The following ZNF423 variants were observed in gnomAD, a reference collection of about 807,000 sequenced individuals.
ZNF423 encodes Ebf-associated zinc finger protein.
A neutral mutation model predicts 95.8 loss-of-function variants in ZNF423; 12 were observed. That is an observed-to-expected ratio of 0.13 (90% CI 0.08 to 0.20). The LOEUF is 0.20. Among genes scored for constraint, ZNF423 ranks in the 10% least tolerant of loss-of-function variants. The pLI is 1.00. For missense variants in ZNF423, 1,316 were observed against 1,737.1 expected, an observed-to-expected ratio of 0.76 and a Z score of 4.31; for synonymous variants, 749 against 711.9, an observed-to-expected ratio of 1.05 and a Z score of -0.83.
chr16:49,597,289 T>C (rs1273674561), intron 5 of ZNF423, among the ~76,000 whole-genome samples: 1 of 152,116 alleles, frequency 6.6e-6, no homozygotes, highest in Non-Finnish European at 1.5e-5. Context: ...AGCTATCCTA[T>C]CTACTCCAGT....
intron 5 of ZNF423, among the ~76,000 whole-genome samples, chr16:49,611,870 C>T (rs1346435065): frequency 6.6e-6 from 1 of 151,970 alleles, no homozygotes; most frequent in Non-Finnish European, 1.5e-5. Context: ...ACTCTACATA[C>T]ATAAATTTGA....
chr16:49,522,274 C>T (rs897667537), intron 7 of ZNF423, among the ~76,000 whole-genome samples: 6 of 152,230 alleles, frequency 3.9e-5, no homozygotes, highest in South Asian at 2.1e-4. Context: ...TGGGCATGCC[C>T]GCGGGACTTA....
At chr16:49,808,060 CTT>C (rs58617394) in intron 1 of ZNF423, among the ~76,000 whole-genome samples, 4 of 148,478 alleles carry the variant, frequency 2.7e-5, no homozygotes, top group East Asian at 2.0e-4. Context: ...ATTTTTCTTT[CTT>C]TTTTTTTTTC....
intron 5 of ZNF423, among the ~76,000 whole-genome samples, chr16:49,598,831 A>G (rs2151827740): frequency 6.6e-6 from 1 of 152,356 alleles, no homozygotes; most frequent in Non-Finnish European, 1.5e-5. Context: ...GTTTATAACT[A>G]CTGCAGCACT....
At chr16:49,540,441 ATT>A (rs5816647) in intron 5 of ZNF423, among the ~76,000 whole-genome samples, 8 of 144,982 alleles carry the variant, frequency 5.5e-5, no homozygotes, top group Admixed American at 4.1e-4. Flanking sequence ...TGCCCCACTC[ATT>A]TTTTTTTTTC....
chr16:49,658,847 T>C (rs1487657804), intron 3 of ZNF423, among the ~76,000 whole-genome samples: 4 of 151,984 alleles, frequency 2.6e-5, no homozygotes, highest in Non-Finnish European at 5.9e-5. Context: ...ACTCTTTCCT[T>C]GGAACCCCCG....
At chr16:49,602,620 C>T (rs1971409387) in intron 5 of ZNF423, among the ~76,000 whole-genome samples, 1 of 152,200 alleles carries the variant, frequency 6.6e-6, no homozygotes, top group African/African-American at 2.4e-5. Context: ...AGTGCCTGGG[C>T]TCCAGCCGCA....
At chr16:49,823,108 T>C (rs2034965295) in intron 1 of ZNF423, among the ~76,000 whole-genome samples, 1 of 152,158 alleles carries the variant, frequency 6.6e-6, no homozygotes, top group South Asian at 2.1e-4. Flanking sequence ...GACCTTGAAC[T>C]TAAGAAGCTC....
intron 7 of ZNF423, 144 bp from the exon 8 acceptor site, chr16:49,491,448 C>T: frequency 9.9e-7 from 1 of 1,009,288 alleles, no homozygotes; most frequent in Non-Finnish European, 1.5e-6. Flanking sequence ...AAAAGTGCTC[C>T]AGGGACGCAG....
chr16:49,813,948 C>G (rs1291325149), intron 1 of ZNF423, among the ~76,000 whole-genome samples: 1 of 152,218 alleles, frequency 6.6e-6, no homozygotes, highest in Non-Finnish European at 1.5e-5. Context: ...CCCAGGTGGG[C>G]TCCTGCAGAA....
chr16:49,546,720 T>C (rs1969457195), intron 5 of ZNF423, among the ~76,000 whole-genome samples: 1 of 152,136 alleles, frequency 6.6e-6, no homozygotes, highest in Non-Finnish European at 1.5e-5. Flanking sequence ...CTTAATGCTT[T>C]TCGAATATTC....
chr16:49,853,134 A>G (rs2035319972), intron 1 of ZNF423, among the ~76,000 whole-genome samples: 1 of 152,208 alleles, frequency 6.6e-6, no homozygotes, highest in Non-Finnish European at 1.5e-5. Context: ...GACACACAGC[A>G]GTGGAGGCAA....
chr16:49,818,543 G>C lies in ZNF423; in HGVS notation c.41-28997C>G, dbSNP rs565502932. Among the ~76,000 whole-genome samples, 4 of 151,646 alleles carry C rather than the reference G, an allele frequency of 2.6e-5. No individual in the cohort carries two copies. In the South Asian group the frequency reaches 8.4e-4, roughly 32 times the overall value. On this transcript the variant is annotated intron_variant, in intron 1 of 7. Coordinates refer to ENST00000563137, the MANE Select transcript of ZNF423 (RefSeq NM_001379286.1). ...TGCGCTGTGACTGCACCTGTGTATA[G>C]ACACTGCACTCCAGCCTGGGCAACA...
chr16:49,822,604 T>C, intron 1 of ZNF423: 1 of 1,351,384 alleles, frequency 7.4e-7, no homozygotes. Context: ...TAAGCTCTAG[T>C]TCGAGCTCCT....
chr16:49,552,766 G>A (rs1969689544), intron 5 of ZNF423, among the ~76,000 whole-genome samples: 1 of 152,064 alleles, frequency 6.6e-6, no homozygotes, highest in Non-Finnish European at 1.5e-5. Flanking sequence ...ACAGGGTCCT[G>A]CCTGGGTGAT....
intron 3 of ZNF423, among the ~76,000 whole-genome samples, chr16:49,688,787 G>A (rs918745395): frequency 6.6e-6 from 1 of 152,236 alleles, no homozygotes; most frequent in Non-Finnish European, 1.5e-5. Flanking sequence ...CAGTGTGGTG[G>A]GTGGGGAGCA....
intron 3 of ZNF423, among the ~76,000 whole-genome samples, chr16:49,683,984 T>A (rs141966059): frequency 0.012 from 1,794 of 152,238 alleles, 29 homozygotes; most frequent in African/African-American, 0.041. Flanking sequence ...GGCAGGAGGA[T>A]TGCTTGAGCC....
intron 1 of ZNF423, among the ~76,000 whole-genome samples, chr16:49,809,590 AG>A (rs1222702078): frequency 6.6e-6 from 1 of 152,206 alleles, no homozygotes; most frequent in Non-Finnish European, 1.5e-5. Flanking sequence ...TCCGAGAGAA[AG>A]GTCCCAGAGG....
At chr16:49,736,488 A>G (rs1212724321) in intron 2 of ZNF423, among the ~76,000 whole-genome samples, 1 of 152,188 alleles carries the variant, frequency 6.6e-6, no homozygotes, top group Non-Finnish European at 1.5e-5. Flanking sequence ...CTTTCACCTC[A>G]ATCATGTTTC....
Sources: allele counts gnomAD v4.1 joint callset (sites outside exome capture counted in the v4.1 genomes callset), GRCh38; gene constraint gnomAD v4.1.1; transcripts MANE v1.5; gene names NCBI Gene and HGNC (gene_info 2026-07-23, HGNC 2026-07-21).